The following GALNT18 variants were observed in gnomAD, a reference collection of about 807,000 sequenced individuals.
The protein encoded by GALNT18 is GalNAc-transferase 18.
GALNT18 carries 44 observed loss-of-function variants against 69.5 expected under a neutral mutation model. That is an observed-to-expected ratio of 0.63 (90% confidence interval 0.50 to 0.81). The LOEUF (loss-of-function observed/expected upper bound fraction) is 0.81, where lower values mean the gene tolerates loss of function less well. Among genes scored for constraint, GALNT18 ranks in the 40% least tolerant of loss-of-function variants. The pLI, the probability that GALNT18 is intolerant of heterozygous loss-of-function variation, is 0.00. For missense variants in GALNT18, 715 were observed against 810.0 expected (o/e 0.88, Z 1.42); for synonymous variants, 364 against 318.2 (o/e 1.14, Z -1.53).
intron 5 of GALNT18, among the ~76,000 whole-genome samples, chr11:11,374,572 C>T (rs1376896219): frequency 6.6e-6 from 1 of 152,160 alleles, no homozygotes; most frequent in African/African-American, 2.4e-5. Context: ...CTTCCTCAAA[C>T]TGACAGTTCA....
Position 11,436,873 on chromosome 11 carries a change from C to T in GALNT18, c.429-4086G>A, listed in dbSNP as rs1490970782. ...TGCGTGGGAGAGGACTGCTCTGGAC[C>T]CAAGCCCAGAGCTTTTGCTGCAGAG... On this transcript the variant is annotated intron_variant, in intron 2 of 10. Coordinates refer to ENST00000227756, the MANE Select transcript of GALNT18 (RefSeq NM_198516.3). The surrounding 1 kb of genome is among the most constrained non-coding windows in gnomAD (Gnocchi z 4.5). Among the ~76,000 whole-genome samples, 1 of 152,178 alleles carries T rather than the reference C, an allele frequency of 6.6e-6. No homozygotes were observed. Among genetic ancestry groups the T allele is most frequent in the Non-Finnish European group, 1.5e-5 (1 of 68,030 alleles).
intron 1 of GALNT18, among the ~76,000 whole-genome samples, chr11:11,575,549 A>G (rs1659039749): frequency 6.6e-6 from 1 of 152,216 alleles, no homozygotes; most frequent in Admixed American, 6.5e-5. Flanking sequence ...CAGTCTCTTC[A>G]TTTGGATAAG....
rs949635789 is a variant in GALNT18, at chr11:11,439,123, G to A, written c.429-6336C>T. On this transcript the variant is annotated intron_variant, in intron 2 of 10. Transcript: ENST00000227756. The surrounding 1 kb of genome is among the most constrained non-coding windows in gnomAD (Gnocchi z 4.4). ...GGCCCTGTCCAGCCACTGGACAATG[G>A]AGGGGTTGAATGTAGGAGATCCTAA... Among the ~76,000 whole-genome samples, 1 of 152,200 alleles carries A rather than the reference G, an allele frequency of 6.6e-6. No homozygotes were observed. The highest frequency in any genetic ancestry group is 6.5e-5 in the Admixed American group (1 of 15,282).
chr11:11,290,510 C>T (rs1032193903), intron 10 of GALNT18, among the ~76,000 whole-genome samples: 1 of 152,158 alleles, frequency 6.6e-6, no homozygotes, highest in African/African-American at 2.4e-5. Flanking sequence ...CAGCCGCTCC[C>T]CACTGTGCCC....
At chr11:11,506,419 T>C (rs1333942132) in intron 1 of GALNT18, among the ~76,000 whole-genome samples, 1 of 152,180 alleles carries the variant, frequency 6.6e-6, no homozygotes, top group East Asian at 1.9e-4. Context: ...ATCTAGACCC[T>C]GTCCAGATGA....
At position 11,620,390 on chromosome 11, in the gene GALNT18, C is replaced by T. The variant is rs1390391276; in HGVS notation, c.235+969G>A. Among the ~76,000 whole-genome samples the T allele has an allele frequency of 6.6e-6, 1 of 152,130 alleles. No homozygotes were observed. The highest frequency in any genetic ancestry group is 1.5e-5 in the Non-Finnish European group (1 of 68,012). On this transcript the variant is annotated intron_variant, in intron 1 of 10. Coordinates refer to ENST00000227756, the MANE Select transcript of GALNT18 (RefSeq NM_198516.3). This position sits in a 1 kb window ranked among gnomAD's most constrained non-coding sequence, Gnocchi z 6.9. ...TGCTCCTGGCGCCCGGAACTCCATT[C>T]CCTCCCATGACAGCTCATTGACCAG...
At chr11:11,410,162 C>G (rs1252136997) in intron 3 of GALNT18, among the ~76,000 whole-genome samples, 1 of 152,158 alleles carries the variant, frequency 6.6e-6, no homozygotes, top group African/African-American at 2.4e-5. Context: ...TCAAGGACTC[C>G]CTGTGCTGGC....
chr11:11,319,944 G>A (rs750649342), intron 9 of GALNT18, among the ~76,000 whole-genome samples: 2 of 152,116 alleles, frequency 1.3e-5, no homozygotes, highest in Non-Finnish European at 2.9e-5. Flanking sequence ...TTCTCTAAAC[G>A]CTTTATGTGC....
chr11:11,327,548 A>C (rs1325754168), intron 8 of GALNT18, among the ~76,000 whole-genome samples: 1 of 152,164 alleles, frequency 6.6e-6, no homozygotes, highest in African/African-American at 2.4e-5. Flanking sequence ...TGTTGGGGGA[A>C]ATGGGCAACA....
chr11:11,407,458 A>T (rs1378504963), intron 3 of GALNT18, among the ~76,000 whole-genome samples: 1 of 152,212 alleles, frequency 6.6e-6, no homozygotes, highest in Non-Finnish European at 1.5e-5. Flanking sequence ...AGCCTGTGCC[A>T]CTTCAGCACA....
intron 9 of GALNT18, among the ~76,000 whole-genome samples, chr11:11,313,888 CT>C (rs1293048543): frequency 3.8e-4 from 58 of 152,290 alleles, no homozygotes; most frequent in Non-Finnish European, 6.6e-4. Context: ...TGCAAGCTAC[CT>C]TTAATAATCA....
At position 11,356,714 on chromosome 11, in the gene GALNT18, T is replaced by C. The variant is rs1184858863; in HGVS notation, c.1093-15710A>G. On this transcript the variant is annotated intron_variant, in intron 6 of 10. Transcript: ENST00000227756. The surrounding 1 kb of genome is among the most constrained non-coding windows in gnomAD (Gnocchi z 4.4). The stretch of plus-strand genomic sequence containing the variant: ...TTGTGCATGTTATTAATCTCTCTTT[T>C]ATACAGCTCCCTCATTGAATGCAAT... Among the ~76,000 whole-genome samples the C allele has an allele frequency of 6.6e-6, 1 of 152,226 alleles. No individual in the cohort carries two copies. Among genetic ancestry groups the C allele is most frequent in the African/African-American group, 2.4e-5 (1 of 41,454 alleles).
In GALNT18 at chr11:11,331,640, G is replaced by C. The variant is rs544702930; in HGVS notation, c.1416+1054C>G. Among the ~76,000 whole-genome samples, 6 of 152,312 alleles carry C rather than the reference G, an allele frequency of 3.9e-5. No individual in the cohort carries two copies. The South Asian group carries it at 1.2e-3, about 32-fold the overall frequency. On this transcript the variant is annotated intron_variant, in intron 8 of 10. Transcript: ENST00000227756. ...AGGTCTGAGGGGACACTCTCCAAAG[G>C]GAGGAATCAGAGTGACACCAGAAGC... is the stretch of plus-strand genomic sequence containing the variant.
chr11:11,279,710 AAGTC>A (rs1849027610), intron 10 of GALNT18, among the ~76,000 whole-genome samples: 1 of 152,214 alleles, frequency 6.6e-6, no homozygotes, highest in Non-Finnish European at 1.5e-5. Flanking sequence ...CATGATGTGA[AAGTC>A]AGGATGGTGG....
At position 11,614,934 on chromosome 11, in the gene GALNT18, G is replaced by A. The variant is rs1024586223; in HGVS notation, c.235+6425C>T. Reference sequence around the variant, plus strand: ...GAAGATTCTTTGGTCACGGGGAAAAGTTGTGTCCTTTGGCAAGGCTTTTCT... The same window carrying A: ...GAAGATTCTTTGGTCACGGGGAAAAATTGTGTCCTTTGGCAAGGCTTTTCT... On this transcript the variant is annotated intron_variant, in intron 1 of 10. Coordinates refer to ENST00000227756, the MANE Select transcript of GALNT18 (RefSeq NM_198516.3). The surrounding 1 kb of genome is among the most constrained non-coding windows in gnomAD (Gnocchi z 5.6). Among the ~76,000 whole-genome samples, 1 of 152,338 alleles carries A rather than the reference G, an allele frequency of 6.6e-6. No individual in the cohort carries two copies. The highest frequency in any genetic ancestry group is 2.4e-5 in the African/African-American group (1 of 41,586).
chr11:11,377,065 G>A lies in GALNT18; in HGVS notation c.977+117C>T. On this transcript the variant is annotated intron_variant, in intron 5 of 10. Transcript: ENST00000227756. The surrounding 1 kb of genome is among the most constrained non-coding windows in gnomAD (Gnocchi z 4.6). ...TCAGACTGCAGTTCCTTTCGACCCT[G>A]CCCACCCCTGTCATCCCCACGATGG... 2.2e-6 allele frequency: 2 copies of A among 910,272 alleles called. No individual in the cohort carries two copies. Among genetic ancestry groups the A allele is most frequent in the Non-Finnish European group, 3.4e-6 (2 of 581,074 alleles). The allele number at this position is 910,272 out of a possible 1,614,324, so 56.4% of individuals were successfully genotyped here. A position where few individuals can be genotyped will look rare whatever the true frequency, so the allele number is the denominator to read the frequency against.
At chr11:11,467,100 C>T (rs886574981) in intron 1 of GALNT18, among the ~76,000 whole-genome samples, 5 of 152,172 alleles carry the variant, frequency 3.3e-5, no homozygotes, top group Non-Finnish European at 5.9e-5. Context: ...ACCTGGGGCC[C>T]GGGAGGCAGG....
In GALNT18 at chr11:11,606,400, G is replaced by C. The variant is rs1245972404; in HGVS notation, c.235+14959C>G. Among the ~76,000 whole-genome samples, 3 of 152,180 alleles carry C rather than the reference G, an allele frequency of 2.0e-5. No individual in the cohort carries two copies. Among genetic ancestry groups the C allele is most frequent in the East Asian group, 3.8e-4 (2 of 5,202 alleles). ...TAATTATCTCACAGCCTTATTTTAA[G>C]GATTAAATAATATGAAGTGGATTAA... On this transcript the variant is annotated intron_variant, in intron 1 of 10. Coordinates refer to ENST00000227756, the MANE Select transcript of GALNT18 (RefSeq NM_198516.3). The surrounding 1 kb of genome is among the most constrained non-coding windows in gnomAD (Gnocchi z 5.4).
chr11:11,472,335 G>A (rs986659721), intron 1 of GALNT18, among the ~76,000 whole-genome samples: 5 of 152,198 alleles, frequency 3.3e-5, no homozygotes, highest in Admixed American at 6.5e-5. Context: ...CAGGGGTACC[G>A]CAGGGACAGT....
Sources: gnomAD v4.1 joint callset for allele counts (sites outside exome capture counted in the v4.1 genomes callset) on GRCh38, gnomAD v4.1.1 for gene constraint, Gnocchi (gnomAD v3.1) non-coding constraint, MANE v1.5 for transcripts, NCBI Gene and HGNC (gene_info 2026-07-23, HGNC 2026-07-21) for gene names.